Variants in ZNF26 observed in about 807,000 individuals in gnomAD.
ZNF26 encodes the protein zinc finger protein 26, also known as epididymis luminal protein 179.
ZNF26 carries 32 observed loss-of-function variants against 54.9 expected under a neutral mutation model. The observed-to-expected ratio is 0.58, with a 90% confidence interval of 0.44 to 0.78. ZNF26 has a LOEUF of 0.78. Among genes scored for constraint, ZNF26 ranks in the 30% least tolerant of loss-of-function variants. ZNF26 has a pLI of 0.00. For synonymous variants in ZNF26, 221 were observed against 209.2 expected, an observed-to-expected ratio of 1.06 and a Z score of -0.49; for missense variants, 524 against 634.0, an observed-to-expected ratio of 0.83 and a Z score of 1.86.
chr12:132,999,592 C>T (rs1256035668), intron 1 of ZNF26, among the ~76,000 whole-genome samples: 3 of 152,078 alleles, frequency 2.0e-5, no homozygotes, highest in African/African-American at 7.2e-5. Context: ...TAGTGGTTTA[C>T]ACAAAGTATA....
In ZNF26 at chr12:133,017,988, A is replaced by C. The variant is rs746840349; in HGVS notation, c.*6507A>C. 6.6e-6 allele frequency: 1 copy of C among 152,262 alleles called. No individual in the cohort carries two copies. Among genetic ancestry groups the C allele is most frequent in the Non-Finnish European group, 1.5e-5 (1 of 68,064 alleles). 9.4% of individuals were successfully genotyped at this position (152,262 alleles called of 1,614,324 possible). A position where few individuals can be genotyped will look rare whatever the true frequency, so the allele number is the denominator to read the frequency against. On this transcript the variant is annotated 3_prime_UTR_variant, in exon 4 of 4. Coordinates refer to ENST00000328654, the MANE Select transcript of ZNF26 (RefSeq NM_019591.4). ...CACGCCACCGCACTTCAGCCTGGGCAACAGAGTGAGACTCCGTCTCAATAA... is the reference window on the plus strand; with the variant it reads ...CACGCCACCGCACTTCAGCCTGGGCCACAGAGTGAGACTCCGTCTCAATAA...
In ZNF26 at chr12:132,986,453, G is replaced by T; in HGVS notation, c.-388G>T. On this transcript the variant is annotated 5_prime_UTR_variant, in exon 1 of 4. Coordinates refer to ENST00000328654, the MANE Select transcript of ZNF26 (RefSeq NM_019591.4). ...GGAATCTGGCCAGCGGGTGTACCTGGCTGAGTCTCTGTGGCCGCGGAGGCG... is the reference window on the plus strand; with the variant it reads ...GGAATCTGGCCAGCGGGTGTACCTGTCTGAGTCTCTGTGGCCGCGGAGGCG... 1 of 236,152 alleles carries T rather than the reference G, an allele frequency of 4.2e-6. No individual in the cohort carries two copies. Among genetic ancestry groups the T allele is most frequent in the South Asian group, 8.6e-5 (1 of 11,638 alleles). The allele number at this position is 236,152 out of a possible 1,614,324, so 14.6% of individuals were successfully genotyped here. A position where few individuals can be genotyped will look rare whatever the true frequency, so the allele number is the denominator to read the frequency against.
rs1953575008 is a variant in ZNF26 at position 133,016,941 on chromosome 12, C to T, written c.*5460C>T. ...GCTTAGGTTGACTTCTCAATAGCAA[C>T]AGTAAAAATCAGAAGACAGTAAAAG... On this transcript the variant is annotated 3_prime_UTR_variant, in exon 4 of 4. Transcript: ENST00000328654. The T allele has an allele frequency of 6.6e-6, 1 of 151,952 alleles. No individual in the cohort carries two copies. Among genetic ancestry groups the T allele is most frequent in the Non-Finnish European group, 1.5e-5 (1 of 67,978 alleles). The allele number at this position is 151,952 out of a possible 1,614,324, so 9.4% of individuals were successfully genotyped here.
chr12:132,987,833 C>T lies in ZNF26; in HGVS notation c.33+960C>T, dbSNP rs893026965. On this transcript the variant is annotated intron_variant, in intron 1 of 3. Transcript: ENST00000328654. ...GAGAAAGGCTGTTGTGCTAAAGAAA[C>T]GAGAGAAAGTTAGGAGTGGATTTCT... 10 of 664,366 alleles carry T rather than the reference C, an allele frequency of 1.5e-5. No homozygotes were observed. In the African/African-American group the frequency reaches 1.6e-4, roughly 10 times the overall value. The allele number at this position is 664,366 out of a possible 1,614,324, so 41.2% of individuals were successfully genotyped here.
rs966674382 is a variant in ZNF26, at chr12:133,021,656, A to C, written c.*10175A>C. The C allele has an allele frequency of 2.0e-5, 3 of 151,672 alleles. No individual in the cohort carries two copies. The highest frequency in any genetic ancestry group is 7.3e-5 in the African/African-American group (3 of 41,330). The allele number at this position is 151,672 out of a possible 1,614,324, so 9.4% of individuals were successfully genotyped here. On this transcript the variant is annotated 3_prime_UTR_variant, in exon 4 of 4. Coordinates refer to ENST00000328654, the MANE Select transcript of ZNF26 (RefSeq NM_019591.4). ...GTGGCAGGCACCTGTAATCCCAGCTACTTGGGAGGCTGAGGCAGGAGAATT... is the reference window on the plus strand; with the variant it reads ...GTGGCAGGCACCTGTAATCCCAGCTCCTTGGGAGGCTGAGGCAGGAGAATT...
Position 133,007,110 on chromosome 12 carries a change from A to G in ZNF26, c.102A>G (p.Thr34=), listed in dbSNP as rs1236970344. 3.7e-6 allele frequency: 6 copies of G among 1,614,044 alleles called. No individual in the cohort carries two copies. In the African/African-American group the frequency reaches 8.0e-5, roughly 22 times the overall value. ...TWDEWQLLDS[T]QKYLYRDVIL... ...ATGAATGGCAGCTACTGGATTCTAC[A>G]CAGAAGTACCTGTACAGAGATGTGA... The change falls in exon 2 of 4, where the codon ACA becomes ACG. Residue 34 remains threonine, a synonymous_variant. Coordinates refer to ENST00000328654, the MANE Select transcript of ZNF26 (RefSeq NM_019591.4).
chr12:132,988,069 C>T (rs1952864343), intron 1 of ZNF26, among the ~76,000 whole-genome samples: 1 of 152,060 alleles, frequency 6.6e-6, no homozygotes, highest in Admixed American at 6.5e-5. Context: ...AGTGCAGTGG[C>T]GCGATCTCGG....
At position 133,007,106 on chromosome 12, in the gene ZNF26, CTACACAGAAG is replaced by C; in HGVS notation, c.102_111del (p.Gln35CysfsTer5). On this transcript the variant is annotated frameshift_variant, in exon 2 of 4. Transcript: ENST00000328654. LOFTEE classifies it high-confidence loss of function. ...TGGGATGAATGGCAGCTACTGGATT[CTACACAGAAG>C]TACCTGTACAGAGATGTGATATTGG... 1.2e-6 allele frequency: 2 copies of C among 1,614,064 alleles called. No homozygotes were observed. Among genetic ancestry groups the C allele is most frequent in the Non-Finnish European group, 1.7e-6 (2 of 1,179,940 alleles).
At chr12:133,006,788 T>G in intron 1 of ZNF26, 1 of 384,304 alleles carries the variant, frequency 2.6e-6, no homozygotes, top group Non-Finnish European at 4.8e-6. Flanking sequence ...AGAGACAGGG[T>G]TTCACCATCT....
chr12:133,007,800 C>T (rs905447375), intron 3 of ZNF26, among the ~76,000 whole-genome samples: 2 of 152,190 alleles, frequency 1.3e-5, no homozygotes, highest in Admixed American at 6.5e-5. Flanking sequence ...GGTAAGTTTC[C>T]GTCCTCCCCA....
At chr12:132,990,741 C>T (rs1397102837) in intron 1 of ZNF26, among the ~76,000 whole-genome samples, 1 of 152,108 alleles carries the variant, frequency 6.6e-6, no homozygotes, top group African/African-American at 2.4e-5. Context: ...ATTAGAGTGT[C>T]TGTTTCTTTT....
At position 132,989,028 on chromosome 12, in the gene ZNF26, A is replaced by ATTTTTTT. The variant is rs150395603; in HGVS notation, c.33+2177_33+2183dup. Among the ~76,000 whole-genome samples the ATTTTTTT allele has an allele frequency of 2.7e-4, 21 of 78,850 alleles. 3 individuals are homozygous for ATTTTTTT. Among genetic ancestry groups the ATTTTTTT allele is most frequent in the Admixed American group, 3.8e-4 (2 of 5,214 alleles). 51.7% of individuals were successfully genotyped at this position (78,850 alleles called of 152,430 possible). ...TGTAGTTCCAGGAGTCTTTCGGTGAATTTTTTTTTTTTTTTTTTTTTTTTT... is the reference window on the plus strand; with the variant it reads ...TGTAGTTCCAGGAGTCTTTCGGTGAATTTTTTTTTTTTTTTTTTTTTTTTTTTTTTTT... On this transcript the variant is annotated intron_variant, in intron 1 of 3. Coordinates refer to ENST00000328654, the MANE Select transcript of ZNF26 (RefSeq NM_019591.4).
intron 1 of ZNF26, among the ~76,000 whole-genome samples, chr12:132,998,271 A>T (rs1953135413): frequency 6.6e-6 from 1 of 151,396 alleles, no homozygotes; most frequent in African/African-American, 2.4e-5. Context: ...GGTTCAAGCG[A>T]TTATCCTGCC....
Position 133,020,927 on chromosome 12 carries a change from TA to T in ZNF26, c.*9448del, listed in dbSNP as rs1239825079. 3 of 152,124 alleles carry T rather than the reference TA, an allele frequency of 2.0e-5. No homozygotes were observed. The highest frequency in any genetic ancestry group is 6.6e-5 in the Admixed American group (1 of 15,256). The allele number at this position is 152,124 out of a possible 1,614,324, so 9.4% of individuals were successfully genotyped here. On this transcript the variant is annotated 3_prime_UTR_variant, in exon 4 of 4. Transcript: ENST00000328654. ...TAGGGACATCAGTCATATTGACTCC[TA>T]AGTCCTCATTTTAACATTGTTAACT...
rs1953354651 is a variant in ZNF26 at position 133,007,394 on chromosome 12, C to T, written c.161-43C>T. 4 of 1,538,868 alleles carry T rather than the reference C, an allele frequency of 2.6e-6. No homozygotes were observed. In the South Asian group the frequency reaches 3.5e-5, roughly 14 times the overall value. On this transcript the variant is annotated intron_variant, in intron 2 of 3. Coordinates refer to ENST00000328654, the MANE Select transcript of ZNF26 (RefSeq NM_019591.4). ...TAGCTCTTGATTCCTCGGTCCTGTCCCTAACAGCCTGGTCCCCACCCTTTG... is the reference window on the plus strand; with the variant it reads ...TAGCTCTTGATTCCTCGGTCCTGTCTCTAACAGCCTGGTCCCCACCCTTTG...
rs1953347361 is a variant in ZNF26 at position 133,007,025 on chromosome 12, GGT to G, written c.34-10_34-9del. The G allele has an allele frequency of 1.2e-6, 2 of 1,613,846 alleles. No individual in the cohort carries two copies. The highest frequency in any genetic ancestry group is 1.7e-6 in the Non-Finnish European group (2 of 1,179,950). On this transcript the variant is annotated splice_polypyrimidine_tract_variant and intron_variant, in intron 1 of 3. Transcript: ENST00000328654. ...AATGTAATTGCATCCAATTGAACAG[GGT>G]GTGTGTTATTTCAGGGATTATTGTC...
intron 1 of ZNF26, chr12:133,004,346 C>G (rs780845063): frequency 4.6e-5 from 7 of 152,322 alleles, no homozygotes; most frequent in African/African-American, 1.4e-4. Context: ...GCATCACACA[C>G]ATGCTTAAAT....
rs1953505124 is a variant in ZNF26 at position 133,012,599 on chromosome 12, TTTTTTTTTTTG to T, written c.*1119_*1129del. The T allele has an allele frequency of 7.5e-6, 1 of 134,078 alleles. No individual in the cohort carries two copies. The highest frequency in any genetic ancestry group is 2.8e-5 in the African/African-American group (1 of 35,890). 8.3% of individuals were successfully genotyped at this position (134,078 alleles called of 1,614,324 possible). A position where few individuals can be genotyped will look rare whatever the true frequency, so the allele number is the denominator to read the frequency against. On this transcript the variant is annotated 3_prime_UTR_variant, in exon 4 of 4. Transcript: ENST00000328654. The stretch of plus-strand genomic sequence containing the variant: ...TTGGGTTTTTTTTTTTTTTTTTTTT[TTTTTTTTTTTG>T]AGACTAAGTTTCACTCTTGTCCTCC...
intron 1 of ZNF26, among the ~76,000 whole-genome samples, chr12:132,998,899 C>T (rs1397221521): frequency 1.3e-5 from 2 of 152,132 alleles, no homozygotes; most frequent in Non-Finnish European, 2.9e-5. Context: ...GAATAGTTTC[C>T]AAATTTTGGA....
Sources: allele counts gnomAD v4.1 joint callset (sites outside exome capture counted in the v4.1 genomes callset), GRCh38; gene constraint gnomAD v4.1.1; transcripts MANE v1.5; gene names NCBI Gene and HGNC (gene_info 2026-07-23, HGNC 2026-07-21).